CDK12: variants seen among roughly 807,000 people sequenced by gnomAD.
CDK12 encodes the protein cyclin dependent kinase 12.
Under a neutral mutation model 133.8 loss-of-function variants are expected in CDK12, and 17 were observed. The observed-to-expected ratio is 0.13, with a 90% CI of 0.09 to 0.19. The LOEUF is 0.19. Ranked by LOEUF, CDK12 falls within the 10% of genes least tolerant of loss-of-function variation. The pLI is 1.00. For synonymous variants in CDK12, 694 were observed against 683.6 expected (o/e 1.02, Z -0.24); for missense variants, 1,508 against 1,818.7 (o/e 0.83, Z 3.11).
chr17:39,531,141 C>T lies in CDK12; in HGVS notation c.4298C>T (p.Ala1433Val), dbSNP rs1265551180. 1.3e-6 allele frequency: 2 copies of T among 1,539,994 alleles called. No homozygotes were observed. Among genetic ancestry groups the T allele is most frequent in the Non-Finnish European group, 1.7e-6 (2 of 1,145,296 alleles). Residue 1433 changes from alanine to valine, a missense_variant, in exon 14 of 14, where the codon GCA becomes GTA. Around this residue, in one of 9 missense-constraint regions of CDK12, gnomAD observed 114 missense variants for 101.2 expected, o/e 1.13. Coordinates refer to ENST00000447079, the MANE Select transcript of CDK12 (RefSeq NM_016507.4). ...AEGSSNSVVH[A>V]ETKLQNYGEL... ...GGAAGCAGCAATTCTGTGGTACATG[C>T]AGAGACCAAATTGCAAAACTATGGG...
chr17:39,463,113 C>T lies in CDK12; in HGVS notation c.1042C>T (p.Pro348Ser). The change falls in exon 1 of 14, where the codon CCC (proline) becomes TCC (serine). Residue 348 changes from proline (P) to serine (S), a missense_variant. By Grantham distance (74) the Pro-to-Ser change is moderately conservative. This residue lies in a region of CDK12 where 460 missense variants were observed against 490.8 expected (regional missense o/e 0.94). Coordinates refer to ENST00000447079, the MANE Select transcript of CDK12 (RefSeq NM_016507.4). The part of the protein sequence containing the change: ...SKRSLSRSPL[P>S]SRKSMKSRSR... ...GCGGTCTCTGAGTCGGAGTCCACTC[C>T]CCAGGTGAGCTATTTGTCTAACAGT... is the stretch of plus-strand genomic sequence containing the variant. 6.2e-7 allele frequency: 1 copy of T among 1,612,934 alleles called. No individual in the cohort carries two copies. Among genetic ancestry groups the T allele is most frequent in the Non-Finnish European group, 8.5e-7 (1 of 1,179,366 alleles).
intron 3 of CDK12, among the ~76,000 whole-genome samples, chr17:39,560,806 G>A (rs2056345609): frequency 6.6e-6 from 1 of 152,226 alleles, no homozygotes; most frequent in South Asian, 2.1e-4. Flanking sequence ...TTGAGGTCCA[G>A]GAGTTTGAGA....
chr17:39,514,984 C>T (rs2053711910), intron 8 of CDK12, among the ~76,000 whole-genome samples: 1 of 152,082 alleles, frequency 6.6e-6, no homozygotes, highest in Non-Finnish European at 1.5e-5. Context: ...TATATACTCC[C>T]CCCACTCTTT....
At chr17:39,500,490 G>A (rs574197254) in intron 5 of CDK12, among the ~76,000 whole-genome samples, 4 of 152,124 alleles carry the variant, frequency 2.6e-5, no homozygotes, top group East Asian at 3.9e-4. Context: ...AAAATTAGCC[G>A]GGTGTGGTGG....
intron 11 of CDK12, among the ~76,000 whole-genome samples, chr17:39,522,380 C>T (rs893259354): frequency 6.6e-6 from 1 of 152,042 alleles, no homozygotes; most frequent in Non-Finnish European, 1.5e-5. Flanking sequence ...AGCCACTGAA[C>T]CCGGCCAACA....
chr17:39,497,497 T>G (rs1042412116), intron 5 of CDK12, among the ~76,000 whole-genome samples: 2 of 151,506 alleles, frequency 1.3e-5, no homozygotes, highest in Non-Finnish European at 1.5e-5. Flanking sequence ...GAGCCGAGAT[T>G]GAGTTACTGC....
In CDK12 at chr17:39,515,822, TGTGCTCTTGA is replaced by T; in HGVS notation, c.2846+19_2846+28del. 1 of 1,594,904 alleles carries T rather than the reference TGTGCTCTTGA, an allele frequency of 6.3e-7. No individual in the cohort carries two copies. The highest frequency in any genetic ancestry group is 8.6e-7 in the Non-Finnish European group (1 of 1,166,390). On this transcript the variant is annotated intron_variant, in intron 9 of 13. Coordinates refer to ENST00000447079, the MANE Select transcript of CDK12 (RefSeq NM_016507.4). ...AGAACTGATCAGGTACAGCTGTACA[TGTGCTCTTGA>T]GTGCCCAGGTGTGATAGGTATTCTC...
Position 39,531,350 on chromosome 17 carries a change from C to T in CDK12, c.*34C>T. The T allele has an allele frequency of 7.1e-7, 1 of 1,410,248 alleles. No individual in the cohort carries two copies. Among genetic ancestry groups the T allele is most frequent in the Non-Finnish European group, 9.3e-7 (1 of 1,078,422 alleles). The allele number at this position is 1,410,248 out of a possible 1,614,324, so 87.4% of individuals were successfully genotyped here. A position where few individuals can be genotyped will look rare whatever the true frequency, so the allele number is the denominator to read the frequency against. On this transcript the variant is annotated 3_prime_UTR_variant, in exon 14 of 14. Transcript: ENST00000447079. Reference sequence around the variant, plus strand: ...CTTCAGTGTCCTGAAAGATTCCTTTCCTATCCATCCTTCCATCCAGTTCTC... The same window carrying T: ...CTTCAGTGTCCTGAAAGATTCCTTTTCTATCCATCCTTCCATCCAGTTCTC...
intron 8 of CDK12, among the ~76,000 whole-genome samples, chr17:39,514,477 A>C (rs2053675241): frequency 6.6e-6 from 1 of 152,156 alleles, no homozygotes; most frequent in Non-Finnish European, 1.5e-5. Context: ...TAAAAAAATG[A>C]AAAATTTCAG....
intron 2 of CDK12, among the ~76,000 whole-genome samples, chr17:39,554,118 C>G (rs558191492): frequency 2.6e-5 from 4 of 152,318 alleles, no homozygotes; most frequent in African/African-American, 9.6e-5. Flanking sequence ...CCCCTGGGCA[C>G]TTTCCAGAAG....
chr17:39,498,523 A>G (rs2052322912), intron 5 of CDK12, among the ~76,000 whole-genome samples: 1 of 151,598 alleles, frequency 6.6e-6, no homozygotes. Flanking sequence ...GCGCCCGGCC[A>G]TCCTTCTCTT....
chr17:39,478,684 G>A (rs1181354450), intron 2 of CDK12, among the ~76,000 whole-genome samples: 1 of 152,072 alleles, frequency 6.6e-6, no homozygotes, highest in African/African-American at 2.4e-5. Context: ...ACAAGAAAAG[G>A]CATGATAGCA....
chr17:39,491,866 C>T (rs71369770), intron 3 of CDK12, among the ~76,000 whole-genome samples: 1 of 150,848 alleles, frequency 6.6e-6, no homozygotes, highest in African/African-American at 2.4e-5. Flanking sequence ...CGGTGGCTCA[C>T]GCTTGTAATC....
At chr17:39,482,619 T>TTTTTTTTC (rs2050806931) in intron 2 of CDK12, among the ~76,000 whole-genome samples, 1 of 145,708 alleles carries the variant, frequency 6.9e-6, no homozygotes, top group Non-Finnish European at 1.5e-5. Context: ...TTTTTTTTTT[T>TTTTTTTTC]TGAGGCAGAG....
At chr17:39,515,624 T>A (rs1239700340) in intron 8 of CDK12, 107 bp from the exon 9 acceptor site, 3 of 656,430 alleles carry the variant, frequency 4.6e-6, no homozygotes, top group Admixed American at 5.5e-5. Flanking sequence ...TTTGGGGCTA[T>A]TTATCTTGGT....
chr17:39,506,632 G>A (rs1205746846), intron 6 of CDK12, among the ~76,000 whole-genome samples: 1 of 152,122 alleles, frequency 6.6e-6, no homozygotes, highest in Non-Finnish European at 1.5e-5. Flanking sequence ...CACAAGCTAA[G>A]GCAACGAGGA....
intron 11 of CDK12, 123 bp downstream of exon 11, chr17:39,520,210 G>T: frequency 9.9e-7 from 1 of 1,012,928 alleles, no homozygotes; most frequent in Non-Finnish European, 1.4e-6. Flanking sequence ...TGAGTATTAT[G>T]GTTGAGGTTT....
chr17:39,492,832 T>C lies in CDK12; in HGVS notation c.2190T>C (p.Ile730=), dbSNP rs1229556894. 6.2e-7 allele frequency: 1 copy of C among 1,613,332 alleles called. No homozygotes were observed. Among genetic ancestry groups the C allele is most frequent in the Non-Finnish European group, 8.5e-7 (1 of 1,179,526 alleles). ...GKRCVDKFDI[I]GIIGEGTYGQ... ...GCTGTGTGGACAAGTTTGACATTAT[T>C]GGGATTATTGGAGAAGGAACCTATG... The change falls in exon 4 of 14, where the codon ATT becomes ATC. Residue 730 remains isoleucine (I), a synonymous_variant. Coordinates refer to ENST00000447079, the MANE Select transcript of CDK12 (RefSeq NM_016507.4).
intron 6 of CDK12, among the ~76,000 whole-genome samples, chr17:39,505,274 C>T (rs2053032935): frequency 6.8e-6 from 1 of 146,524 alleles, no homozygotes; most frequent in East Asian, 2.0e-4. Flanking sequence ...CACCTGTAAT[C>T]CCAGCACTTT....
Sources: allele counts gnomAD v4.1 joint callset (sites outside exome capture counted in the v4.1 genomes callset), GRCh38; gene constraint gnomAD v4.1.1; regional missense constraint gnomAD v4.1.1; transcripts MANE v1.5; gene names NCBI Gene and HGNC (gene_info 2026-07-23, HGNC 2026-07-21).